Variants in PEX11G observed in about 807,000 individuals in gnomAD.
PEX11G encodes peroxisomal biogenesis factor 11 gamma.
In PEX11G, 20 loss-of-function variants were observed where a neutral mutation model predicts 22.5. That is an observed-to-expected ratio of 0.89 (90% CI 0.62 to 1.29). The LOEUF is 1.29. PEX11G is among the 50% of genes most tolerant of loss of function. The pLI is 0.00. For synonymous variants in PEX11G, 141 were observed against 154.5 expected (o/e 0.91, Z 0.65); for missense variants, 347 against 331.3 (o/e 1.05, Z -0.37).
At chr19:7,493,359 A>G (rs908650771), upstream of PEX11G, among the ~76,000 whole-genome samples, 1 of 150,704 alleles carries the variant, frequency 6.6e-6, no homozygotes. Flanking sequence ...CGCCCCCACT[A>G]ATTTTTGGAG....
upstream of PEX11G, among the ~76,000 whole-genome samples, chr19:7,492,615 G>T (rs112221102): frequency 0.22 from 33,150 of 151,926 alleles, 4,065 homozygotes; most frequent in African/African-American, 0.34. Context: ...GCTAATTTTA[G>T]ACTTTTAGTA....
chr19:7,487,719 G>T (rs1484996091), intron 1 of PEX11G, among the ~76,000 whole-genome samples: 1 of 152,106 alleles, frequency 6.6e-6, no homozygotes, highest in Non-Finnish European at 1.5e-5. Context: ...ACCACGCCTG[G>T]CCTCCCTTAT....
intron 4 of PEX11G, 54 bp from the exon 5 acceptor site, chr19:7,477,490 C>T (rs1021180909): frequency 1.5e-6 from 2 of 1,341,360 alleles, no homozygotes; most frequent in African/African-American, 3.1e-5. Flanking sequence ...CCTGCCCTTC[C>T]CAAGCCCCTG....
At position 7,485,981 on chromosome 19, in the gene PEX11G, C is replaced by T. The variant is rs1368064721; in HGVS notation, c.106G>A (p.Val36Ile). Reference sequence around the variant, plus strand: ...TCGGACCTGGCGGGACACTGTTCAACCAGAACTCCACCAACCAGCTGGCAG... The same window carrying T: ...TCGGACCTGGCGGGACACTGTTCAATCAGAACTCCACCAACCAGCTGGCAG... ...YCCQLVGGVL[V>I]EQCPARSEVG... The change falls in exon 2 of 5, where the codon GTT becomes ATT. Residue 36 changes from valine (V) to isoleucine (I), a missense_variant. Val to Ile is a conservative substitution (Grantham distance 29). Transcript: ENST00000221480. 1 of 1,607,038 alleles carries T rather than the reference C, an allele frequency of 6.2e-7. No individual in the cohort carries two copies. Among genetic ancestry groups the T allele is most frequent in the Non-Finnish European group, 8.5e-7 (1 of 1,174,844 alleles).
chr19:7,482,619 C>T (rs896285461), intron 2 of PEX11G, among the ~76,000 whole-genome samples: 5 of 152,196 alleles, frequency 3.3e-5, no homozygotes, highest in African/African-American at 1.2e-4. Context: ...CAGAGCCTTC[C>T]TTCCCAAAGG....
upstream of PEX11G, chr19:7,489,267 T>A: frequency 5.6e-6 from 7 of 1,248,932 alleles, no homozygotes; most frequent in Non-Finnish European, 7.0e-6. Flanking sequence ...TTTGGCCAAC[T>A]ACCCACGCAC....
chr19:7,481,347 T>G (rs1030842677), intron 3 of PEX11G, among the ~76,000 whole-genome samples: 1 of 152,250 alleles, frequency 6.6e-6, no homozygotes, highest in Admixed American at 6.5e-5. Flanking sequence ...ATTACAAGTG[T>G]GCACCACCAA....
intron 3 of PEX11G, among the ~76,000 whole-genome samples, chr19:7,478,758 TC>T (rs1244737450): frequency 1.3e-5 from 2 of 152,204 alleles, no homozygotes; most frequent in East Asian, 3.9e-4. Flanking sequence ...GGACGCCGTT[TC>T]CCCTCCGGGC....
At chr19:7,486,319 G>T (rs2021655568) in intron 1 of PEX11G, among the ~76,000 whole-genome samples, 1 of 152,050 alleles carries the variant, frequency 6.6e-6, no homozygotes, top group Admixed American at 6.6e-5. Context: ...TAGAGACAGG[G>T]TTTCACCAGG....
In PEX11G at chr19:7,482,187, C is replaced by T. The variant is rs1221595429; in HGVS notation, c.274G>A (p.Val92Ile). The change falls in exon 3 of 5, where the codon GTC (valine) becomes ATC (isoleucine). Residue 92 changes from valine to isoleucine, a missense_variant. By Grantham distance (29) the Val-to-Ile change is conservative. Coordinates refer to ENST00000221480, the MANE Select transcript of PEX11G (RefSeq NM_080662.4). ...AQEEDAFVRC[V>I]SVLGNLADQL... Reference sequence around the variant, plus strand: ...TCAGCCAGGTTCCCTAGGACGGAGACACAGCGGACAAAGGCGTCCTCCTCC... The same window carrying T: ...TCAGCCAGGTTCCCTAGGACGGAGATACAGCGGACAAAGGCGTCCTCCTCC... 1.3e-6 allele frequency: 2 copies of T among 1,578,662 alleles called. No individual in the cohort carries two copies. Among genetic ancestry groups the T allele is most frequent in the Admixed American group, 1.8e-5 (1 of 54,670 alleles).
chr19:7,483,283 C>T (rs1977591234), intron 2 of PEX11G: 1 of 152,290 alleles, frequency 6.6e-6, no homozygotes, highest in Non-Finnish European at 1.5e-5. Context: ...CTCTGAACCT[C>T]ACTCCAGCTT....
At chr19:7,486,537 G>C (rs914867478) in intron 1 of PEX11G, among the ~76,000 whole-genome samples, 10 of 152,158 alleles carry the variant, frequency 6.6e-5, no homozygotes, top group Non-Finnish European at 1.5e-4. Flanking sequence ...CGAGGTGAGA[G>C]GATGCCTTCA....
chr19:7,491,470 T>C (rs929640481), upstream of PEX11G, among the ~76,000 whole-genome samples: 1 of 151,770 alleles, frequency 6.6e-6, no homozygotes, highest in African/African-American at 2.4e-5. Flanking sequence ...GATTTTACCA[T>C]GTTGGCCAGG....
upstream of PEX11G, among the ~76,000 whole-genome samples, chr19:7,490,316 T>C (rs1356894672): frequency 1.3e-5 from 2 of 152,132 alleles, no homozygotes; most frequent in African/African-American, 4.8e-5. Flanking sequence ...AAATTTGTTT[T>C]TCCCTTGTTA....
In PEX11G at chr19:7,485,765, G is replaced by A. The variant is rs116836516; in HGVS notation, c.249+73C>T. ...ATTACAAGCATGAGCCACTGTGAGG[G>A]GCCAAAAAATTTTTTAAAAAATGTC... is the stretch of plus-strand genomic sequence containing the variant. On this transcript the variant is annotated intron_variant, in intron 2 of 4. Transcript: ENST00000221480. The A allele has an allele frequency of 1.4e-3, 1,902 of 1,406,312 alleles. 28 individuals carry two copies. The African/African-American group carries it at 0.025, about 18-fold the overall frequency. The allele number at this position is 1,406,312 out of a possible 1,614,324, so 87.1% of individuals were successfully genotyped here.
At chr19:7,494,402 C>CA (rs371972509) in intron 1 of PEX11G, among the ~76,000 whole-genome samples, 7 of 151,452 alleles carry the variant, frequency 4.6e-5, no homozygotes, top group East Asian at 1.9e-4. Flanking sequence ...AAAAGTAAAA[C>CA]AAAAAAAAAT....
upstream of PEX11G, among the ~76,000 whole-genome samples, chr19:7,493,773 A>G (rs2021929987): frequency 6.6e-6 from 1 of 151,574 alleles, no homozygotes; most frequent in African/African-American, 2.4e-5. Flanking sequence ...TGGGAGGCCA[A>G]GGCAGGTGGA....
chr19:7,480,495 A>G (rs1053432250), intron 3 of PEX11G, among the ~76,000 whole-genome samples: 7 of 152,296 alleles, frequency 4.6e-5, no homozygotes, highest in African/African-American at 1.7e-4. Context: ...GCCATGAAAC[A>G]TGACCCTTTT....
At chr19:7,485,020 G>A (rs1331188910) in intron 2 of PEX11G, among the ~76,000 whole-genome samples, 2 of 152,174 alleles carry the variant, frequency 1.3e-5, no homozygotes, top group African/African-American at 4.8e-5. Context: ...AAACGCCCAT[G>A]GTGGCTCACG....
Sources: gnomAD v4.1 joint callset for allele counts (sites outside exome capture counted in the v4.1 genomes callset) on GRCh38, gnomAD v4.1.1 for gene constraint, MANE v1.5 for transcripts, NCBI Gene and HGNC (gene_info 2026-07-23, HGNC 2026-07-21) for gene names.